ENKUR: variants seen among roughly 807,000 people sequenced by gnomAD.
ENKUR encodes enkurin, TRPC channel interacting protein.
ENKUR carries 19 observed loss-of-function variants against 27.6 expected under a neutral mutation model. The ratio of observed to expected loss-of-function variants is 0.69; its 90% CI spans 0.48 to 1.01. The LOEUF (loss-of-function observed/expected upper bound fraction) is 1.01, where lower values mean the gene tolerates loss of function less well. Among genes scored for constraint, ENKUR ranks in the 50% least tolerant of loss-of-function variants. The probability of loss-of-function intolerance (pLI) is 0.00; values close to 1 mark genes in which losing one functional copy is unlikely to be tolerated. For synonymous variants in ENKUR, 117 were observed against 96.9 expected (o/e 1.21, Z -1.22); for missense variants, 312 against 310.5 (o/e 1.00, Z -0.04).
intron 2 of ENKUR, chr10:25,023,938 C>T (rs1362376145): frequency 1.2e-6 from 2 of 1,614,016 alleles, no homozygotes; most frequent in African/African-American, 1.3e-5. Flanking sequence ...ACACGTTTGG[C>T]CTGAAGACTG....
chr10:25,007,706 T>C (rs1046076235), intron 1 of ENKUR, among the ~76,000 whole-genome samples: 7 of 152,244 alleles, frequency 4.6e-5, no homozygotes, highest in Admixed American at 2.0e-4. Context: ...AGTGCTGGGA[T>C]TACAGGCTTG....
At chr10:25,060,695 G>T (rs1851316708) in intron 2 of ENKUR, among the ~76,000 whole-genome samples, 1 of 152,036 alleles carries the variant, frequency 6.6e-6, no homozygotes, top group South Asian at 2.1e-4. Flanking sequence ...AGGGAAAGAT[G>T]ATGTAAAACC....
chr10:25,003,529 T>C (rs1260825611), intron 1 of ENKUR, among the ~76,000 whole-genome samples: 1 of 152,200 alleles, frequency 6.6e-6, no homozygotes, highest in Non-Finnish European at 1.5e-5. Context: ...TCTGTAAGAA[T>C]TGCAACTAGA....
chr10:25,046,879 C>T (rs1458808305), intron 2 of ENKUR, among the ~76,000 whole-genome samples: 1 of 152,130 alleles, frequency 6.6e-6, no homozygotes, highest in Non-Finnish European at 1.5e-5. Context: ...TGAAAGTAAG[C>T]CCTCTGTGTT....
At chr10:25,061,343 C>T in exon 2 of ENKUR, 1 of 586,612 alleles carries the variant, frequency 1.7e-6, no homozygotes, top group Non-Finnish European at 3.0e-6. Flanking sequence ...GGTGCAGCTC[C>T]TTCTGTTCCA....
intron 1 of ENKUR, among the ~76,000 whole-genome samples, chr10:25,002,933 G>C (rs910121507): frequency 3.3e-5 from 5 of 150,292 alleles, no homozygotes; most frequent in Admixed American, 6.6e-5. Context: ...AAAAAAAAAA[G>C]GTGTCTTTAC....
intron 2 of ENKUR, chr10:25,023,879 C>T: frequency 6.2e-7 from 1 of 1,614,094 alleles, no homozygotes; most frequent in South Asian, 1.1e-5. Context: ...GTGCTGAATG[C>T]AATTAAAAGA....
chr10:24,986,934 T>C (rs76945750), intron 4 of ENKUR, among the ~76,000 whole-genome samples: 4,204 of 152,320 alleles, frequency 0.028, 131 homozygotes, highest in African/African-American at 0.074. Context: ...TCGTTCATTT[T>C]GGAAAAAATT....
At chr10:24,990,703 T>G in intron 3 of ENKUR, 94 bp from the exon 4 acceptor site, 1 of 1,262,726 alleles carries the variant, frequency 7.9e-7, no homozygotes, top group Non-Finnish European at 1.1e-6. Context: ...AAAGAAATGG[T>G]ACAGACTAAA....
At chr10:25,017,972 A>G (rs1678763944), upstream of ENKUR, among the ~76,000 whole-genome samples, 2 of 152,220 alleles carry the variant, frequency 1.3e-5, no homozygotes, top group African/African-American at 4.8e-5. Flanking sequence ...GAACACCTTG[A>G]GACTATTTGT....
chr10:25,034,540 A>G lies in ENKUR; in HGVS notation c.37+26572T>C, dbSNP rs1015381535. On this transcript the variant is annotated intron_variant, in intron 2 of 5. Coordinates refer to the ENKUR transcript ENST00000615958. ...AGCTCAAGTAGCAGAAGTTTTCAGG[A>G]AATAATTTTACTTGCCCTCGATATT... 3.9e-5 allele frequency among the ~76,000 whole-genome samples: 6 copies of G among 152,212 alleles called. No individual in the cohort carries two copies. The South Asian group carries it at 6.2e-4, about 16-fold the overall frequency.
chr10:25,003,011 C>T (rs902973116), intron 1 of ENKUR, among the ~76,000 whole-genome samples: 2 of 151,710 alleles, frequency 1.3e-5, no homozygotes, highest in African/African-American at 4.8e-5. Flanking sequence ...GAACTGAAAG[C>T]CTGTCCATCT....
intron 1 of ENKUR, 134 bp from the exon 2 acceptor site, chr10:24,999,680 T>A: frequency 1.2e-6 from 1 of 823,462 alleles, no homozygotes. Context: ...TCATAAAACA[T>A]ACTTACCTGA....
chr10:24,991,705 C>T (rs1849933023), intron 3 of ENKUR, among the ~76,000 whole-genome samples: 2 of 152,186 alleles, frequency 1.3e-5, no homozygotes, highest in Admixed American at 6.5e-5. Context: ...TCTCCAAGCC[C>T]ACGTGTGATC....
intron 2 of ENKUR, among the ~76,000 whole-genome samples, chr10:25,040,404 C>T (rs898294850): frequency 6.8e-6 from 1 of 146,580 alleles, no homozygotes; most frequent in African/African-American, 2.5e-5. Context: ...CCGAGTCTCG[C>T]TCTCTCCCAG....
In ENKUR at chr10:25,015,931, A is replaced by C; in HGVS notation, c.6T>G (p.Asp2Glu). ...AAATGCACTCAGAAGAGCACGTTGG[A>C]TCCATGGCCACCAAATGACTCCTTA... M[D>E]PTCSSECIYN... is the part of the protein sequence containing the mutation. The change falls in exon 1 of 6, where the codon GAT (aspartate) becomes GAG (glutamate). Residue 2 changes from aspartate to glutamate, a missense_variant. Coordinates refer to ENST00000331161, the MANE Select transcript of ENKUR (RefSeq NM_145010.4). The C allele has an allele frequency of 6.2e-7, 1 of 1,606,476 alleles. No individual in the cohort carries two copies. The highest frequency in any genetic ancestry group is 8.5e-7 in the Non-Finnish European group (1 of 1,176,220).
upstream of ENKUR, among the ~76,000 whole-genome samples, chr10:25,016,503 C>T (rs987307176): frequency 6.6e-6 from 1 of 152,152 alleles, no homozygotes; most frequent in Admixed American, 6.5e-5. Context: ...AGGCCAGCGC[C>T]GCCAGGGAGA....
intron 1 of ENKUR, among the ~76,000 whole-genome samples, chr10:25,010,550 C>T (rs1002477214): frequency 1.1e-4 from 17 of 151,566 alleles, no homozygotes; most frequent in Admixed American, 2.0e-4. Context: ...CCCATTAACT[C>T]GTCATTTAGC....
chr10:25,058,803 T>C (rs935326854), intron 2 of ENKUR, among the ~76,000 whole-genome samples: 1 of 151,998 alleles, frequency 6.6e-6, no homozygotes, highest in East Asian at 2.0e-4. Flanking sequence ...TAGTGGCTCA[T>C]GCCTGTAGTC....
Sources: allele counts gnomAD v4.1 joint callset (sites outside exome capture counted in the v4.1 genomes callset), GRCh38; gene constraint gnomAD v4.1.1; transcripts MANE v1.5; gene names NCBI Gene and HGNC (gene_info 2026-07-23, HGNC 2026-07-21).